PRDM6: variants seen among roughly 807,000 people sequenced by gnomAD.
PRDM6 encodes PR/SET domain 6, also known as putative histone-lysine N-methyltransferase PRDM6.
PRDM6 carries 25 observed loss-of-function variants against 60.8 expected under a neutral mutation model. The ratio of observed to expected loss-of-function variants is 0.41; its 90% CI spans 0.30 to 0.57. The LOEUF is 0.57. PRDM6 is among the 20% of genes least tolerant of loss of function. The pLI is 0.27. For missense variants in PRDM6, 839 were observed against 821.3 expected (o/e 1.02, Z -0.26); for synonymous variants, 407 against 357.4 (o/e 1.14, Z -1.57).
intron 3 of PRDM6, among the ~76,000 whole-genome samples, chr5:123,143,134 G>A (rs1765153928): frequency 8.1e-6 from 1 of 123,710 alleles, no homozygotes; most frequent in East Asian, 2.0e-4. Flanking sequence ...ATGGGATTTG[G>A]CAGTAGTTTT....
At chr5:123,164,426 G>GA (rs1046579363) in intron 5 of PRDM6, among the ~76,000 whole-genome samples, 4 of 152,198 alleles carry the variant, frequency 2.6e-5, no homozygotes, top group East Asian at 3.8e-4. Context: ...GGGCACTGGT[G>GA]AAAACAAAGT....
intron 3 of PRDM6, among the ~76,000 whole-genome samples, chr5:123,132,557 G>A (rs1334466617): frequency 1.3e-5 from 2 of 152,126 alleles, no homozygotes; most frequent in Non-Finnish European, 2.9e-5. Context: ...CACTCTCCAA[G>A]TGTGTTGACA....
In PRDM6 at chr5:123,193,247, A is replaced by G. The variant is rs1470196390; in HGVS notation, c.*6046A>G. 1 of 152,134 alleles carries G rather than the reference A, an allele frequency of 6.6e-6. No individual in the cohort carries two copies. Among genetic ancestry groups the G allele is most frequent in the Admixed American group, 6.5e-5 (1 of 15,268 alleles). 9.4% of individuals were successfully genotyped at this position (152,134 alleles called of 1,614,324 possible). A position where few individuals can be genotyped will look rare whatever the true frequency, so the allele number is the denominator to read the frequency against. The stretch of plus-strand genomic sequence containing the variant: ...ACATCCTTGTTGGTGCCTTTCTCCC[A>G]CTTTGGTACATCACTCCCAACTGAA... On this transcript the variant is annotated 3_prime_UTR_variant, in exon 8 of 8. Coordinates refer to ENST00000407847, the MANE Select transcript of PRDM6 (RefSeq NM_001136239.4).
chr5:123,133,712 G>A (rs1347800437), intron 3 of PRDM6, among the ~76,000 whole-genome samples: 3 of 151,882 alleles, frequency 2.0e-5, no homozygotes, highest in Non-Finnish European at 2.9e-5. Flanking sequence ...GTGGGGTGGT[G>A]GCTATTTAAA....
At chr5:123,116,666 T>C (rs1463014439) in intron 3 of PRDM6, among the ~76,000 whole-genome samples, 1 of 152,212 alleles carries the variant, frequency 6.6e-6, no homozygotes, top group Non-Finnish European at 1.5e-5. Flanking sequence ...CAAGACAATT[T>C]GCTTTAGGCC....
rs1278541345 is a variant in PRDM6 at position 123,193,983 on chromosome 5, G to C, written c.*6782G>C. The C allele has an allele frequency of 6.6e-6, 1 of 152,138 alleles. No homozygotes were observed. The highest frequency in any genetic ancestry group is 1.5e-5 in the Non-Finnish European group (1 of 68,036). 9.4% of individuals were successfully genotyped at this position (152,138 alleles called of 1,614,324 possible). On this transcript the variant is annotated 3_prime_UTR_variant, in exon 8 of 8. Coordinates refer to ENST00000407847, the MANE Select transcript of PRDM6 (RefSeq NM_001136239.4). ...AGAAGAATCTCACTGTGGGTGATAA[G>C]GAGTGTGTAGTTTGCTGTAAGGGCC...
chr5:123,173,712 C>T (rs1400691608), intron 6 of PRDM6, among the ~76,000 whole-genome samples: 1 of 152,194 alleles, frequency 6.6e-6, no homozygotes, highest in Non-Finnish European at 1.5e-5. Flanking sequence ...TACATCATCA[C>T]ATCTGAGTTG....
chr5:123,099,934 C>T lies in PRDM6; in HGVS notation c.873C>T (p.Ala291=), dbSNP rs1209852710. 1.3e-6 allele frequency: 2 copies of T among 1,532,658 alleles called. No individual in the cohort carries two copies. Among genetic ancestry groups the T allele is most frequent in the Non-Finnish European group, 8.8e-7 (1 of 1,135,180 alleles). The allele number at this position is 1,532,658 out of a possible 1,614,324, so 94.9% of individuals were successfully genotyped here. Residue 291 remains alanine (A), a synonymous_variant, in exon 3 of 8, where the codon GCC becomes GCT. Transcript: ENST00000407847. The surrounding 1 kb of genome is among the most constrained non-coding windows in gnomAD (Gnocchi z 4.0). ...LLPPEKVQAG[A]VRNTQHLWEI... ...CCCCAGAGAAGGTGCAGGCAGGCGC[C>T]GTGAGGAACACGCAGCATCTCTGGG...
intron 3 of PRDM6, among the ~76,000 whole-genome samples, chr5:123,103,087 T>C (rs529780535): frequency 1.3e-5 from 2 of 152,204 alleles, no homozygotes; most frequent in South Asian, 4.1e-4. Context: ...TTTCTTTGTG[T>C]ATAATCATAG....
chr5:123,180,501 A>T (rs1335225841), intron 7 of PRDM6, among the ~76,000 whole-genome samples, 178 bp downstream of exon 7: 1 of 152,258 alleles, frequency 6.6e-6, no homozygotes, highest in Non-Finnish European at 1.5e-5. Context: ...AAATGAAGTC[A>T]GGAAACCTAT....
intron 6 of PRDM6, among the ~76,000 whole-genome samples, chr5:123,177,062 A>C (rs1052651351): frequency 2.6e-5 from 4 of 152,222 alleles, no homozygotes; most frequent in Middle Eastern, 3.2e-3. Flanking sequence ...TCCTGTGGCC[A>C]GTTGTCCCAA....
At chr5:123,089,907 G>A in intron 1 of PRDM6, 93 bp from the exon 2 acceptor site, 1 of 945,844 alleles carries the variant, frequency 1.1e-6, no homozygotes. Context: ...CTGAACCACC[G>A]GCTCGGGCAC....
chr5:123,099,985 C>G lies in PRDM6; in HGVS notation c.900+24C>G. 2 of 1,479,848 alleles carry G rather than the reference C, an allele frequency of 1.4e-6. No individual in the cohort carries two copies. The highest frequency in any genetic ancestry group is 1.8e-4 in the Middle Eastern group (1 of 5,660). 91.7% of individuals were successfully genotyped at this position (1,479,848 alleles called of 1,614,324 possible). A position where few individuals can be genotyped will look rare whatever the true frequency, so the allele number is the denominator to read the frequency against. On this transcript the variant is annotated intron_variant, in intron 3 of 7. Coordinates refer to ENST00000407847, the MANE Select transcript of PRDM6 (RefSeq NM_001136239.4). The surrounding 1 kb of genome is among the most constrained non-coding windows in gnomAD (Gnocchi z 4.0). ...AGGTAAGTGGCCGGCTGCACAGCGC[C>G]TCCCCACCGAGCAGGAGCCTTGGCC...
In PRDM6 at chr5:123,187,324, A is replaced by G; in HGVS notation, c.*123A>G. ...CAGTCCCAGAAAACCAAAAGCAGTA[A>G]TAAAATAAGTAAGATGTTAAGAGAT... On this transcript the variant is annotated 3_prime_UTR_variant, in exon 8 of 8. Coordinates refer to ENST00000407847, the MANE Select transcript of PRDM6 (RefSeq NM_001136239.4). The G allele has an allele frequency of 1.5e-6, 1 of 650,870 alleles. No homozygotes were observed. The allele number at this position is 650,870 out of a possible 1,614,324, so 40.3% of individuals were successfully genotyped here.
At chr5:123,119,637 T>C (rs1024839154) in intron 3 of PRDM6, among the ~76,000 whole-genome samples, 4 of 152,202 alleles carry the variant, frequency 2.6e-5, no homozygotes, top group East Asian at 3.8e-4. Flanking sequence ...AGCTGTCTTT[T>C]TGGGTGGCCT....
rs554530153 is a variant in PRDM6 at position 123,179,005 on chromosome 5, C to T, written c.1497-1142C>T. Reference sequence around the variant, plus strand: ...TAGTGAATGCTGTTAATATCCCTCACGACAGATTATTAATTATCTGAACAA... The same window carrying T: ...TAGTGAATGCTGTTAATATCCCTCATGACAGATTATTAATTATCTGAACAA... On this transcript the variant is annotated intron_variant, in intron 6 of 7. Transcript: ENST00000407847. Among the ~76,000 whole-genome samples the T allele has an allele frequency of 6.6e-5, 10 of 152,208 alleles. No individual in the cohort carries two copies. The South Asian group carries it at 8.3e-4, about 13-fold the overall frequency.
intron 3 of PRDM6, among the ~76,000 whole-genome samples, chr5:123,117,309 C>G (rs1173867911): frequency 6.6e-6 from 1 of 152,090 alleles, no homozygotes; most frequent in Non-Finnish European, 1.5e-5. Context: ...ATACCCATAC[C>G]CAGGTTATCT....
At chr5:123,151,671 A>C (rs1229053985) in intron 3 of PRDM6, among the ~76,000 whole-genome samples, 1 of 152,184 alleles carries the variant, frequency 6.6e-6, no homozygotes, top group African/African-American at 2.4e-5. Context: ...ATTTAGCCAC[A>C]GTGCTCGGCA....
chr5:123,155,828 G>C (rs957999365), intron 3 of PRDM6, 56 bp from the exon 4 acceptor site: 3 of 1,531,300 alleles, frequency 2.0e-6, no homozygotes, highest in Admixed American at 4.1e-5. Flanking sequence ...GGGAAGTAGG[G>C]AAAATGATTG....
Sources: allele counts gnomAD v4.1 joint callset (sites outside exome capture counted in the v4.1 genomes callset), GRCh38; gene constraint gnomAD v4.1.1; non-coding constraint Gnocchi (gnomAD v3.1); transcripts MANE v1.5; gene names NCBI Gene and HGNC (gene_info 2026-07-23, HGNC 2026-07-21).